Variants in LIMCH1 observed in about 807,000 individuals in gnomAD.
LIMCH1 encodes the protein LIM and calponin homology domains 1.
Under a neutral mutation model 176.5 loss-of-function variants are expected in LIMCH1, and 113 were observed. That is an observed-to-expected ratio of 0.64 (90% CI 0.55 to 0.75). The LOEUF is 0.75. Among genes scored for constraint, LIMCH1 ranks in the 30% least tolerant of loss-of-function variants. The pLI, the probability that LIMCH1 is intolerant of heterozygous loss-of-function variation, is 0.00. For missense variants in LIMCH1, 1,674 were observed against 1,814.9 expected (o/e 0.92, Z 1.41); for synonymous variants, 619 against 645.9 (o/e 0.96, Z 0.63).
At position 41,613,616 on chromosome 4, in the gene LIMCH1, C is replaced by G. The variant is rs531782327; in HGVS notation, c.160C>G (p.Arg54Gly). 2 of 1,614,010 alleles carry G rather than the reference C, an allele frequency of 1.2e-6. No individual in the cohort carries two copies. The highest frequency in any genetic ancestry group is 2.2e-5 in the East Asian group (1 of 44,876). The change falls in exon 5 of 32, where the codon CGG becomes GGG. Residue 54 changes from arginine to glycine, a missense_variant. This residue lies in a region of LIMCH1 where 655 missense variants were observed against 692.2 expected (regional missense o/e 0.95). Transcript: ENST00000503057. ...DSLDSFGSRS[R>G]QTPSPDVVLR... ...CCTGGATTCCTTTGGCTCTCGCTCT[C>G]GGCAGACGCCTTCACCAGATGTAGT...
At chr4:41,661,359 A>C (rs2152978205) in intron 18 of LIMCH1, 61 bp from the exon 19 acceptor site, 2 of 1,243,848 alleles carry the variant, frequency 1.6e-6, no homozygotes, top group East Asian at 4.8e-5. Flanking sequence ...TGCTTAAAAA[A>C]TAATTTTTAG....
chr4:41,661,305 A>G lies in LIMCH1; in HGVS notation c.3037-115A>G, dbSNP rs1156439876. 3 of 697,410 alleles carry G rather than the reference A, an allele frequency of 4.3e-6. No individual in the cohort carries two copies. The East Asian group carries it at 8.1e-5, about 19-fold the overall frequency. 43.2% of individuals were successfully genotyped at this position (697,410 alleles called of 1,614,324 possible). A position where few individuals can be genotyped will look rare whatever the true frequency, so the allele number is the denominator to read the frequency against. On this transcript the variant is annotated intron_variant, in intron 18 of 31. Coordinates refer to ENST00000503057, the MANE Select transcript of LIMCH1 (RefSeq NM_001330672.2). The stretch of plus-strand genomic sequence containing the variant: ...CATGAAGCTGCCTGGGAAGTAGAAG[A>G]GGGAATTCATATGGCCAAACCACTT...
At chr4:41,500,043 A>T (rs1379321636) in intron 2 of LIMCH1, among the ~76,000 whole-genome samples, 1 of 152,210 alleles carries the variant, frequency 6.6e-6, no homozygotes, top group Non-Finnish European at 1.5e-5. Context: ...CAGTTATAGC[A>T]AGACCACGTG....
At chr4:41,430,257 A>G (rs2061477983) in intron 1 of LIMCH1, among the ~76,000 whole-genome samples, 1 of 152,114 alleles carries the variant, frequency 6.6e-6, no homozygotes, top group Non-Finnish European at 1.5e-5. Context: ...TCTGTATTTT[A>G]TTATATTTAT....
At chr4:41,376,191 A>G (rs1179599601) in intron 1 of LIMCH1, among the ~76,000 whole-genome samples, 2 of 152,178 alleles carry the variant, frequency 1.3e-5, no homozygotes, top group East Asian at 3.8e-4. Flanking sequence ...TATAGTTTCT[A>G]TATAGTTTTC....
intron 14 of LIMCH1, among the ~76,000 whole-genome samples, chr4:41,643,604 G>T (rs1402477066): frequency 1.3e-5 from 2 of 152,246 alleles, no homozygotes; most frequent in Non-Finnish European, 2.9e-5. Context: ...CATTTAATAA[G>T]CTCCTATAAA....
At chr4:41,662,749 C>A (rs2152983551) in intron 19 of LIMCH1, 72 bp from the exon 20 acceptor site, 5 of 1,505,288 alleles carry the variant, frequency 3.3e-6, no homozygotes, top group Non-Finnish European at 4.6e-6. Flanking sequence ...CATGGCATTG[C>A]AGAATAAATG....
chr4:41,698,747 T>G lies in LIMCH1; in HGVS notation c.*1562T>G, dbSNP rs1731968247. 2 of 152,654 alleles carry G rather than the reference T, an allele frequency of 1.3e-5. No homozygotes were observed. Among genetic ancestry groups the G allele is most frequent in the African/African-American group, 4.8e-5 (2 of 41,470 alleles). 9.5% of individuals were successfully genotyped at this position (152,654 alleles called of 1,614,324 possible). On this transcript the variant is annotated 3_prime_UTR_variant, in exon 32 of 32. Coordinates refer to ENST00000503057, the MANE Select transcript of LIMCH1 (RefSeq NM_001330672.2). ...GGGTTCTTTGCATGTGGGTTCCATA[T>G]AGGTGCAGAAATTTCCTCAGCCACT...
At chr4:41,514,130 C>T (rs1473918679) in intron 2 of LIMCH1, among the ~76,000 whole-genome samples, 2 of 150,182 alleles carry the variant, frequency 1.3e-5, no homozygotes, top group Non-Finnish European at 2.9e-5. Context: ...GAGTCCTTCC[C>T]AATACTTTAT....
chr4:41,400,295 T>G (rs569307793), intron 1 of LIMCH1, among the ~76,000 whole-genome samples: 41 of 152,308 alleles, frequency 2.7e-4, no homozygotes, highest in African/African-American at 9.4e-4. Flanking sequence ...GTTCCTAAAC[T>G]GTGTCATGGG....
intron 1 of LIMCH1, among the ~76,000 whole-genome samples, chr4:41,475,921 T>C (rs530904832): frequency 6.6e-6 from 1 of 152,278 alleles, no homozygotes; most frequent in Non-Finnish European, 1.5e-5. Context: ...AAAAATACAA[T>C]CAAGGACCTT....
intron 5 of LIMCH1, 107 bp downstream of exon 5, chr4:41,613,768 C>A: frequency 1.1e-6 from 1 of 899,918 alleles, no homozygotes; most frequent in Non-Finnish European, 1.7e-6. Context: ...TCCATATCCA[C>A]CTTGCCGGAA....
chr4:41,574,467 T>C (rs2084118372), intron 1 of LIMCH1, among the ~76,000 whole-genome samples: 1 of 151,868 alleles, frequency 6.6e-6, no homozygotes, highest in Non-Finnish European at 1.5e-5. Flanking sequence ...TTTTGTATTT[T>C]TCATGGAGAT....
chr4:41,574,117 A>G (rs1404656323), intron 1 of LIMCH1, among the ~76,000 whole-genome samples: 1 of 152,104 alleles, frequency 6.6e-6, no homozygotes, highest in African/African-American at 2.4e-5. Context: ...GGCAGAGCTT[A>G]AGTACAGAAT....
chr4:41,618,321 T>A (rs2092299318), intron 5 of LIMCH1, among the ~76,000 whole-genome samples: 1 of 152,182 alleles, frequency 6.6e-6, no homozygotes, highest in South Asian at 2.1e-4. Context: ...GAATACTATA[T>A]AATTATTGGG....
intron 1 of LIMCH1, among the ~76,000 whole-genome samples, chr4:41,419,658 T>TTCCGTCCTTCCTCCTTCCTTCCTTCC (rs1561311599): frequency 1.2e-5 from 1 of 80,674 alleles, no homozygotes; most frequent in African/African-American, 7.3e-5. Flanking sequence ...TCCTCCTTCC[T>TTCCGTCCTTCCTCCTTCCTTCCTTCC]TCCTTCCTTC....
chr4:41,371,417 T>C (rs1203611192), intron 1 of LIMCH1, among the ~76,000 whole-genome samples: 1 of 152,128 alleles, frequency 6.6e-6, no homozygotes, highest in Admixed American at 6.6e-5. Flanking sequence ...GGTGGAACCA[T>C]TTTTACTCCC....
chr4:41,670,389 A>G (rs2094972102), intron 21 of LIMCH1, among the ~76,000 whole-genome samples: 1 of 152,230 alleles, frequency 6.6e-6, no homozygotes, highest in African/African-American at 2.4e-5. Flanking sequence ...AGCAATACAA[A>G]TTATACATTT....
At chr4:41,542,087 C>T (rs1314530004) in intron 1 of LIMCH1, among the ~76,000 whole-genome samples, 1 of 152,054 alleles carries the variant, frequency 6.6e-6, no homozygotes, top group Non-Finnish European at 1.5e-5. Flanking sequence ...GAGCTCTGAC[C>T]ATAGAGCTTA....
Sources: allele counts gnomAD v4.1 joint callset (sites outside exome capture counted in the v4.1 genomes callset), GRCh38; gene constraint gnomAD v4.1.1; regional missense constraint gnomAD v4.1.1; transcripts MANE v1.5; gene names NCBI Gene and HGNC (gene_info 2026-07-23, HGNC 2026-07-21).